PLCG2: variants seen among roughly 807,000 people sequenced by gnomAD.
PLCG2 encodes the protein phospholipase C gamma 2.
A neutral mutation model predicts 175.6 loss-of-function variants in PLCG2; 69 were observed. The observed-to-expected ratio is 0.39, with a 90% CI of 0.32 to 0.48. The LOEUF (loss-of-function observed/expected upper bound fraction) is 0.48, where lower values mean the gene tolerates loss of function less well. Among genes scored for constraint, PLCG2 ranks in the 20% least tolerant of loss-of-function variants. PLCG2 has a pLI of 0.91. For synonymous variants in PLCG2, 827 were observed against 624.0 expected (o/e 1.33, Z -4.85); for missense variants, 1,798 against 1,650.9 (o/e 1.09, Z -1.54).
At position 81,747,513 on chromosome 16, in the gene PLCG2, C is replaced by T. The variant is rs150005452; in HGVS notation, c.-145+8128C>T. Among the ~76,000 whole-genome samples, 516 of 151,950 alleles carry T rather than the reference C, an allele frequency of 3.4e-3. 3 individuals carry two copies. The highest frequency in any genetic ancestry group is 0.012 in the African/African-American group (481 of 41,432). ...TTGTGCCCCTGCACTCCAGCCTGGGCGACAGAGGAAGACTCTGTCTGAAAT... is the reference window on the plus strand; with the variant it reads ...TTGTGCCCCTGCACTCCAGCCTGGGTGACAGAGGAAGACTCTGTCTGAAAT... On this transcript the variant is annotated intron_variant, in intron 1 of 5. Coordinates refer to the PLCG2 transcript ENST00000565054.
intron 30 of PLCG2, among the ~76,000 whole-genome samples, chr16:81,944,865 C>A (rs4508413): frequency 0.62 from 94,231 of 151,906 alleles, 30,746 homozygotes; most frequent in East Asian, 0.81. Context: ...ATATCAAGGG[C>A]CAACTGTAGA....
chr16:81,778,044 A>AAAAAAAAAAC (rs1910509888), upstream of PLCG2, among the ~76,000 whole-genome samples: 4 of 83,808 alleles, frequency 4.8e-5, no homozygotes, highest in Middle Eastern at 6.0e-3. Context: ...AAAAAAAAAC[A>AAAAAAAAAAC]AAAAAAAAAA....
chr16:81,927,147 C>G lies in PLCG2; in HGVS notation c.2483C>G (p.Ser828Ter), dbSNP rs1473115538. ...CCATCCAACTACGTCGAGGACATCT[C>G]AACTGCAGACTTCGAGGAGCTAGAA... The part of the protein sequence containing the change: ...YFPSNYVEDI[S>*]TADFEELEKQ... The change falls in exon 23 of 33, where the codon TCA becomes TGA. Residue 828 changes from serine (S) to a stop codon, truncating the protein, a stop_gained. Transcript: ENST00000564138. LOFTEE classifies it high-confidence loss of function. 1 of 1,613,206 alleles carries G rather than the reference C, an allele frequency of 6.2e-7. No homozygotes were observed.
chr16:81,806,925 G>C (rs567353057), intron 2 of PLCG2, among the ~76,000 whole-genome samples: 30 of 152,212 alleles, frequency 2.0e-4, no homozygotes, highest in African/African-American at 5.5e-4. Context: ...ACCCAGGGCT[G>C]TGGAGGCCTC....
chr16:81,806,167 A>G (rs754382565), intron 2 of PLCG2, among the ~76,000 whole-genome samples: 3 of 152,018 alleles, frequency 2.0e-5, no homozygotes. Flanking sequence ...GACAGATTCA[A>G]TTCTGAGTGT....
At chr16:81,803,158 G>A (rs979841588) in intron 2 of PLCG2, among the ~76,000 whole-genome samples, 105 of 125,102 alleles carry the variant, frequency 8.4e-4, no homozygotes, top group East Asian at 4.3e-3. Flanking sequence ...TCACTCTGTC[G>A]CCCAGGCTGG....
In PLCG2 at chr16:81,854,418, A is replaced by G. The variant is rs530911032; in HGVS notation, c.194-26A>G. On this transcript the variant is annotated intron_variant, in intron 2 of 32. Coordinates refer to ENST00000564138, the MANE Select transcript of PLCG2 (RefSeq NM_002661.5). ...CAGGTGGAGGGAACTCCAGCTTCTA[A>G]TTGGCTCATGTTAATTTCATTTTAG... 4.3e-6 allele frequency: 7 copies of G among 1,611,232 alleles called. No individual in the cohort carries two copies. The East Asian group carries it at 1.6e-4, about 36-fold the overall frequency.
intron 28 of PLCG2, chr16:81,938,357 C>G (rs1910801748): frequency 1.1e-5 from 2 of 189,368 alleles, no homozygotes; most frequent in African/African-American, 4.7e-5. Flanking sequence ...AATTGCATTT[C>G]TCCTAAGGTT....
intron 2 of PLCG2, among the ~76,000 whole-genome samples, chr16:81,820,829 T>C (rs189719303): frequency 6.7e-6 from 1 of 149,870 alleles, no homozygotes; most frequent in African/African-American, 2.5e-5. Flanking sequence ...TCATGTTGGC[T>C]AGGCTAGTCT....
At chr16:81,845,375 A>G (rs1906060961) in intron 2 of PLCG2, among the ~76,000 whole-genome samples, 3 of 152,190 alleles carry the variant, frequency 2.0e-5, no homozygotes, top group Non-Finnish European at 2.9e-5. Flanking sequence ...ACAAACACAC[A>G]TGTACAGTCG....
chr16:81,847,441 G>C (rs895492096), intron 2 of PLCG2, among the ~76,000 whole-genome samples: 1 of 151,966 alleles, frequency 6.6e-6, no homozygotes, highest in Non-Finnish European at 1.5e-5. Flanking sequence ...TGGGGGTAGG[G>C]CTGAAAGTTC....
At chr16:81,803,265 C>T (rs1197675493) in intron 2 of PLCG2, among the ~76,000 whole-genome samples, 1 of 151,742 alleles carries the variant, frequency 6.6e-6, no homozygotes, top group African/African-American at 2.4e-5. Context: ...ACTACAGGTG[C>T]CCACCACCAC....
rs1337286724 is a variant in PLCG2 at position 81,740,090 on chromosome 16, A to T, written c.-145+705A>T. 2.0e-5 allele frequency among the ~76,000 whole-genome samples: 3 copies of T among 146,410 alleles called. No individual in the cohort carries two copies. The East Asian group carries it at 6.2e-4, about 30-fold the overall frequency. ...GAGGTGGGGGTTGCAGTGAGCTGAG[A>T]CAGCGCCAGTGCATACCAGCCTGGG... On this transcript the variant is annotated intron_variant, in intron 1 of 5. Transcript: ENST00000565054.
chr16:81,897,994 CT>C (rs1908973806), intron 13 of PLCG2: 1 of 404,030 alleles, frequency 2.5e-6, no homozygotes, highest in Non-Finnish European at 5.0e-6. Context: ...GCATTCTCCC[CT>C]GTGGGGTCCT....
At chr16:81,945,403 CTCAAACATATGCATAGGCAA>C (rs890271778) in intron 30 of PLCG2, among the ~76,000 whole-genome samples, 3 of 152,354 alleles carry the variant, frequency 2.0e-5, no homozygotes, top group African/African-American at 7.2e-5. Context: ...TTAAAAGCAA[CTCAAACATATGCATAGGCAA>C]TCTTGGGAAA....
At chr16:81,855,054 AC>A (rs1756325153) in intron 3 of PLCG2, among the ~76,000 whole-genome samples, 1 of 151,944 alleles carries the variant, frequency 6.6e-6, no homozygotes, top group African/African-American at 2.4e-5. Flanking sequence ...TACTAAAAAT[AC>A]AAAAACTAGC....
intron 1 of PLCG2, among the ~76,000 whole-genome samples, chr16:81,754,714 C>T (rs979433617): frequency 6.6e-6 from 1 of 151,566 alleles, no homozygotes; most frequent in East Asian, 2.0e-4. Context: ...TGTCAAAGGC[C>T]TGTCTGAAGT....
intron 13 of PLCG2, among the ~76,000 whole-genome samples, chr16:81,899,304 A>G (rs1219981966): frequency 6.6e-6 from 1 of 151,794 alleles, no homozygotes; most frequent in African/African-American, 2.4e-5. Flanking sequence ...ACACACACAC[A>G]TAAATATATA....
rs780744554 is a variant in PLCG2 at position 81,893,696 on chromosome 16, TTC to T, written c.987-8_987-7del. On this transcript the variant is annotated splice_polypyrimidine_tract_variant and intron_variant, in intron 11 of 32. Coordinates refer to ENST00000564138, the MANE Select transcript of PLCG2 (RefSeq NM_002661.5). ...TGCCACTCTCACACGGCCACCTGCC[TTC>T]TCTCCTGCAGGTACCTTACAGGTGA... 1 of 1,585,116 alleles carries T rather than the reference TTC, an allele frequency of 6.3e-7. No homozygotes were observed.
Sources: gnomAD v4.1 joint callset for allele counts (sites outside exome capture counted in the v4.1 genomes callset) on GRCh38, gnomAD v4.1.1 for gene constraint, MANE v1.5 for transcripts, NCBI Gene and HGNC (gene_info 2026-07-23, HGNC 2026-07-21) for gene names.